The following LRRC72 variants were observed in gnomAD, a reference collection of about 807,000 sequenced individuals.
LRRC72 encodes leucine-rich repeat-containing protein 72.
A neutral mutation model predicts 35.8 loss-of-function variants in LRRC72; 41 were observed. The observed-to-expected ratio is 1.15, with a 90% CI of 0.89 to 1.49. The LOEUF (loss-of-function observed/expected upper bound fraction) is 1.49, where lower values mean the gene tolerates loss of function less well. LRRC72 is among the 40% of genes most tolerant of loss of function. The probability of loss-of-function intolerance (pLI) is 0.00; values close to 1 mark genes in which losing one functional copy is unlikely to be tolerated. For synonymous variants in LRRC72, 118 were observed against 119.2 expected, an observed-to-expected ratio of 0.99 and a Z score of 0.07; for missense variants, 389 against 330.7, an observed-to-expected ratio of 1.18 and a Z score of -1.37.
intron 3 of LRRC72, among the ~76,000 whole-genome samples, chr7:16,542,207 A>G (rs1231596628): frequency 6.6e-6 from 1 of 152,152 alleles, no homozygotes; most frequent in East Asian, 1.9e-4. Context: ...CTACTCATTG[A>G]ATATTCACAA....
chr7:16,581,439 G>A lies in LRRC72; in HGVS notation c.814G>A (p.Glu272Lys), dbSNP rs1200175056. The A allele has an allele frequency of 1.3e-6, 2 of 1,550,336 alleles. No individual in the cohort carries two copies. Among genetic ancestry groups the A allele is most frequent in the East Asian group, 2.4e-5 (1 of 40,906 alleles). ...TVPTREERYL[E>K]EEGTETAQML... Reference sequence around the variant, plus strand: ...TCCAACACGAGAGGAAAGGTACCTTGAAGAGGAAGGCACAGAAACAGCTCA... The same window carrying A: ...TCCAACACGAGAGGAAAGGTACCTTAAAGAGGAAGGCACAGAAACAGCTCA... The change falls in exon 9 of 9, where the codon GAA (glutamate) becomes AAA (lysine). Residue 272 changes from glutamate to lysine, a missense_variant. Transcript: ENST00000401542.
At chr7:16,579,497 A>T (rs1276844842) in intron 7 of LRRC72, among the ~76,000 whole-genome samples, 1 of 152,172 alleles carries the variant, frequency 6.6e-6, no homozygotes, top group African/African-American at 2.4e-5. Flanking sequence ...AGGGAAATCA[A>T]CAAAGCAGTG....
chr7:16,540,527 G>T (rs1256794414), intron 3 of LRRC72, among the ~76,000 whole-genome samples: 1 of 152,192 alleles, frequency 6.6e-6, no homozygotes, highest in African/African-American at 2.4e-5. Flanking sequence ...GTTTTGAAAT[G>T]TGAGAAAGAC....
chr7:16,555,434 C>G (rs930243334), intron 3 of LRRC72, among the ~76,000 whole-genome samples: 1 of 152,160 alleles, frequency 6.6e-6, no homozygotes, highest in African/African-American at 2.4e-5. Context: ...GATCCTTTTT[C>G]TGAATCTGTT....
chr7:16,557,474 T>A, intron 4 of LRRC72, 33 bp downstream of exon 4: 2 of 891,186 alleles, frequency 2.2e-6, no homozygotes, highest in Non-Finnish European at 3.1e-6. Context: ...ATTTAATAAA[T>A]TTTCAATTAA....
chr7:16,530,866 G>C (rs954459583), intron 1 of LRRC72, among the ~76,000 whole-genome samples: 2 of 152,150 alleles, frequency 1.3e-5, no homozygotes, highest in Admixed American at 1.3e-4. Flanking sequence ...CTGACTGTAC[G>C]TAGTAGAGGC....
At chr7:16,564,035 C>G (rs1524358) in intron 5 of LRRC72, among the ~76,000 whole-genome samples, 79,650 of 151,980 alleles carry the variant, frequency 0.52, 21,255 homozygotes, top group South Asian at 0.71. Flanking sequence ...AGCAGAAAAA[C>G]CCAAGAAATG....
In LRRC72 at chr7:16,558,908, A is replaced by G. The variant is rs1222201416; in HGVS notation, c.336A>G (p.Ser112=). 3 of 1,485,796 alleles carry G rather than the reference A, an allele frequency of 2.0e-6. No individual in the cohort carries two copies. The highest frequency in any genetic ancestry group is 2.7e-6 in the Non-Finnish European group (3 of 1,110,422). The allele number at this position is 1,485,796 out of a possible 1,614,324, so 92.0% of individuals were successfully genotyped here. A position where few individuals can be genotyped will look rare whatever the true frequency, so the allele number is the denominator to read the frequency against. ...FEIEGLHYLP[S]LHILLLHHNE... is the part of the protein sequence containing the mutation. ...TTTTAGGTCTGCATTATTTGCCTTC[A>G]TTGCATATACTCCTGCTACACCACA... Residue 112 remains serine, a synonymous_variant, in exon 5 of 9, where the codon TCA becomes TCG. Transcript: ENST00000401542.
intron 5 of LRRC72, among the ~76,000 whole-genome samples, chr7:16,560,691 T>C (rs1782730948): frequency 6.6e-6 from 1 of 152,106 alleles, no homozygotes; most frequent in African/African-American, 2.4e-5. Flanking sequence ...CTCTGTTTTT[T>C]TTTTTTAAGA....
chr7:16,568,353 T>C (rs1284973783), intron 7 of LRRC72, among the ~76,000 whole-genome samples: 1 of 152,104 alleles, frequency 6.6e-6, no homozygotes, highest in Non-Finnish European at 1.5e-5. Context: ...AGAGACAACA[T>C]ACATTTTTAA....
intron 2 of LRRC72, among the ~76,000 whole-genome samples, chr7:16,535,927 C>T (rs953231401): frequency 1.3e-5 from 2 of 152,206 alleles, no homozygotes; most frequent in Admixed American, 1.3e-4. Flanking sequence ...GGCTGGAGTG[C>T]CATGGCACGA....
At chr7:16,555,192 G>A (rs1782629685) in intron 3 of LRRC72, among the ~76,000 whole-genome samples, 1 of 152,194 alleles carries the variant, frequency 6.6e-6, no homozygotes. Flanking sequence ...CAGGAGGAGT[G>A]CTGGCATAAT....
intron 2 of LRRC72, among the ~76,000 whole-genome samples, chr7:16,536,279 C>T (rs1348497888): frequency 1.3e-5 from 2 of 151,882 alleles, no homozygotes; most frequent in Non-Finnish European, 2.9e-5. Context: ...TAATGGGATA[C>T]AGGATTTAAA....
chr7:16,550,600 C>T (rs1356710110), intron 3 of LRRC72, among the ~76,000 whole-genome samples: 1 of 152,216 alleles, frequency 6.6e-6, no homozygotes, highest in Non-Finnish European at 1.5e-5. Flanking sequence ...TTCCCAGTTG[C>T]AACAACTTTC....
intron 8 of LRRC72, among the ~76,000 whole-genome samples, chr7:16,580,358 C>T (rs1783119394): frequency 6.6e-6 from 1 of 152,136 alleles, no homozygotes; most frequent in Non-Finnish European, 1.5e-5. Flanking sequence ...AAAAAATAAA[C>T]CTCGCCAGGC....
At chr7:16,535,529 G>A (rs1318777393) in intron 2 of LRRC72, among the ~76,000 whole-genome samples, 25 of 152,134 alleles carry the variant, frequency 1.6e-4, no homozygotes, top group Admixed American at 1.6e-3. Context: ...ATCAATTGAA[G>A]CTAAAGCTAT....
At chr7:16,569,060 C>A (rs1330584235) in intron 7 of LRRC72, among the ~76,000 whole-genome samples, 1 of 152,118 alleles carries the variant, frequency 6.6e-6, no homozygotes, top group African/African-American at 2.4e-5. Context: ...TTGGTATATG[C>A]CCACATATAT....
At chr7:16,534,128 G>A (rs1458215828) in intron 2 of LRRC72, among the ~76,000 whole-genome samples, 1 of 152,074 alleles carries the variant, frequency 6.6e-6, no homozygotes, top group Non-Finnish European at 1.5e-5. Flanking sequence ...CCAATACACT[G>A]GTATACTGAG....
chr7:16,562,258 C>G lies in LRRC72; in HGVS notation c.427+3259C>G, dbSNP rs186515686. 1.2e-3 allele frequency among the ~76,000 whole-genome samples: 188 copies of G among 152,264 alleles called. 1 individual carries two copies. Among genetic ancestry groups the G allele is most frequent in the Admixed American group, 1.0e-3 (16 of 15,286 alleles). ...TAGCTCAGTTTTCCTCTTCCCTTCCCTCCTCCAAACTCTTTCTAAATCAGA... is the reference window on the plus strand; with the variant it reads ...TAGCTCAGTTTTCCTCTTCCCTTCCGTCCTCCAAACTCTTTCTAAATCAGA... On this transcript the variant is annotated intron_variant, in intron 5 of 8. Transcript: ENST00000401542.
Sources: allele counts gnomAD v4.1 joint callset (sites outside exome capture counted in the v4.1 genomes callset), GRCh38; gene constraint gnomAD v4.1.1; transcripts MANE v1.5; gene names NCBI Gene and HGNC (gene_info 2026-07-23, HGNC 2026-07-21).